SLC12A9: variants seen among roughly 807,000 people sequenced by gnomAD.
SLC12A9 encodes solute carrier family 12 member 9, also known as CCC-interacting protein 1.
A neutral mutation model predicts 66.0 loss-of-function variants in SLC12A9; 55 were observed. That is an observed-to-expected ratio of 0.83 (90% CI 0.67 to 1.04). The LOEUF (loss-of-function observed/expected upper bound fraction) is 1.04, where lower values mean the gene tolerates loss of function less well. Among genes scored for constraint, SLC12A9 ranks in the 50% least tolerant of loss-of-function variants. The pLI is 0.00. For synonymous variants in SLC12A9, 577 were observed against 569.0 expected, an observed-to-expected ratio of 1.01 and a Z score of -0.20; for missense variants, 1,061 against 1,241.9, an observed-to-expected ratio of 0.85 and a Z score of 2.19.
intron 3 of SLC12A9, among the ~76,000 whole-genome samples, chr7:100,855,057 G>A (rs910130829): frequency 1.3e-5 from 2 of 152,086 alleles, no homozygotes; most frequent in African/African-American, 2.4e-5. Flanking sequence ...CCAGCTACTC[G>A]GGAGGCTGAG....
intron 1 of SLC12A9, among the ~76,000 whole-genome samples, chr7:100,836,410 C>T (rs1282199969): frequency 6.6e-6 from 1 of 152,062 alleles, no homozygotes; most frequent in Non-Finnish European, 1.5e-5. Flanking sequence ...CGCAGGGCCT[C>T]AGCCCTCTCC....
At chr7:100,838,291 T>A (rs1813709913) in intron 1 of SLC12A9, among the ~76,000 whole-genome samples, 1 of 152,184 alleles carries the variant, frequency 6.6e-6, no homozygotes, top group Admixed American at 6.5e-5. Flanking sequence ...CCCAGCCATG[T>A]GGTTCAATTT....
At chr7:100,839,379 G>A (rs1442450620) in intron 1 of SLC12A9, among the ~76,000 whole-genome samples, 1 of 151,982 alleles carries the variant, frequency 6.6e-6, no homozygotes, top group Non-Finnish European at 1.5e-5. Context: ...TGAGACAGGA[G>A]TCTTGCTGAT....
intron 4 of SLC12A9, chr7:100,856,167 C>T (rs566273237): frequency 1.6e-5 from 3 of 192,428 alleles, no homozygotes; most frequent in African/African-American, 7.1e-5. Flanking sequence ...CAGAGGAGGG[C>T]TTGTCTTGCT....
At chr7:100,828,549 C>T (rs1450105344) in intron 1 of SLC12A9, among the ~76,000 whole-genome samples, 1 of 60,384 alleles carries the variant, frequency 1.7e-5, no homozygotes, top group East Asian at 3.9e-4. Flanking sequence ...GAGACGAAAT[C>T]TCAAAAAAAA....
At chr7:100,833,363 G>T (rs1487939586) in intron 1 of SLC12A9, among the ~76,000 whole-genome samples, 2 of 152,048 alleles carry the variant, frequency 1.3e-5, no homozygotes, top group Non-Finnish European at 2.9e-5. Flanking sequence ...CAGCTACTCA[G>T]GAGGCTGAGG....
At chr7:100,847,024 C>T (rs560308081) in intron 1 of SLC12A9, among the ~76,000 whole-genome samples, 6 of 152,236 alleles carry the variant, frequency 3.9e-5, no homozygotes, top group South Asian at 2.1e-4. Flanking sequence ...CCCTCTCTTG[C>T]GCGCCCCCTG....
chr7:100,835,200 A>G (rs995798149), intron 1 of SLC12A9, among the ~76,000 whole-genome samples: 1 of 152,004 alleles, frequency 6.6e-6, no homozygotes, highest in Non-Finnish European at 1.5e-5. Flanking sequence ...TACTAAAAAC[A>G]CAAAAATTAG....
intron 1 of SLC12A9, among the ~76,000 whole-genome samples, chr7:100,839,583 C>G (rs1012986688): frequency 6.6e-6 from 1 of 152,216 alleles, no homozygotes; most frequent in Non-Finnish European, 1.5e-5. Context: ...CCGGGCGACG[C>G]GGATCCTGAG....
intron 7 of SLC12A9, chr7:100,859,660 A>G (rs772498927): frequency 3.4e-4 from 187 of 550,544 alleles, no homozygotes; most frequent in Non-Finnish European, 7.6e-5. Flanking sequence ...GCAGTGAGCT[A>G]TGATTACAGC....
intron 1 of SLC12A9, among the ~76,000 whole-genome samples, chr7:100,838,791 T>C (rs1813720367): frequency 2.0e-5 from 3 of 152,164 alleles, no homozygotes; most frequent in African/African-American, 7.2e-5. Flanking sequence ...AAATAAAATC[T>C]ACAAGCAGAC....
In SLC12A9 at chr7:100,859,957, C is replaced by G; in HGVS notation, c.1050C>G (p.Ile350Met). ...GGCCCCCACTGGTGTTGATCGGAAT[C>G]TATGCCACAGCGCTCTCAGCGTCCA... ...SLWPPLVLIGIYATALSASMS... is the reference protein window; with the variant it reads ...SLWPPLVLIGMYATALSASMS... Residue 350 changes from isoleucine to methionine, a missense_variant, in exon 8 of 14, where the codon ATC (isoleucine) becomes ATG (methionine). Ile to Met is a conservative substitution (Grantham distance 10). Coordinates refer to ENST00000354161, the MANE Select transcript of SLC12A9 (RefSeq NM_020246.4). The G allele has an allele frequency of 5.6e-6, 9 of 1,613,010 alleles. No individual in the cohort carries two copies. Among genetic ancestry groups the G allele is most frequent in the Non-Finnish European group, 6.8e-6 (8 of 1,179,044 alleles).
At chr7:100,836,810 G>T (rs1417947114) in intron 1 of SLC12A9, among the ~76,000 whole-genome samples, 2 of 151,730 alleles carry the variant, frequency 1.3e-5, no homozygotes, top group Middle Eastern at 3.4e-3. Flanking sequence ...CCTGGGGGAG[G>T]GGGGCGCAGA....
rs758644188 is a variant in SLC12A9 at position 100,861,383 on chromosome 7, T to G, written c.1344-9T>G. ...GAGTTTCTGTCCCTCCTCCCCTCCA[T>G]GCCCGCAGCCCCACCTTCAGCCTGT... On this transcript the variant is annotated splice_polypyrimidine_tract_variant and intron_variant, in intron 10 of 13. Transcript: ENST00000354161. The surrounding 1 kb of genome is among the most constrained non-coding windows in gnomAD (Gnocchi z 5.3). The G allele has an allele frequency of 6.2e-7, 1 of 1,613,032 alleles. No individual in the cohort carries two copies. Among genetic ancestry groups the G allele is most frequent in the Non-Finnish European group, 8.5e-7 (1 of 1,179,414 alleles).
intron 5 of SLC12A9, chr7:100,857,453 C>T (rs1814464566): frequency 2.0e-6 from 1 of 492,342 alleles, no homozygotes; most frequent in Non-Finnish European, 3.7e-6. Flanking sequence ...ACAGAATGGC[C>T]CAGCATGACT....
At chr7:100,829,550 C>A (rs887299085) in intron 1 of SLC12A9, among the ~76,000 whole-genome samples, 1 of 152,102 alleles carries the variant, frequency 6.6e-6, no homozygotes, top group African/African-American at 2.4e-5. Flanking sequence ...CAGGAAACAG[C>A]CGGCTTCACT....
upstream of SLC12A9, among the ~76,000 whole-genome samples, chr7:100,850,707 TTTC>T (rs1335027566): frequency 2.9e-4 from 43 of 150,844 alleles, 1 homozygote; most frequent in African/African-American, 5.8e-4. Flanking sequence ...TTAATTTTCT[TTTC>T]TTCTTCTTCT....
Position 100,861,701 on chromosome 7 carries a change from C to T in SLC12A9, c.1537-36C>T. 1 of 1,613,576 alleles carries T rather than the reference C, an allele frequency of 6.2e-7. No homozygotes were observed. Among genetic ancestry groups the T allele is most frequent in the Non-Finnish European group, 8.5e-7 (1 of 1,179,530 alleles). The stretch of plus-strand genomic sequence containing the variant: ...CGCTGAACGGGGCTGTGCATTTGAT[C>T]CTGCCACTTCCCCACTGCCTCACCC... On this transcript the variant is annotated intron_variant, in intron 11 of 13. Coordinates refer to ENST00000354161, the MANE Select transcript of SLC12A9 (RefSeq NM_020246.4). The surrounding 1 kb of genome is among the most constrained non-coding windows in gnomAD (Gnocchi z 5.3).
chr7:100,848,877 C>G (rs927591762), upstream of SLC12A9, among the ~76,000 whole-genome samples: 1 of 148,978 alleles, frequency 6.7e-6, no homozygotes, highest in Non-Finnish European at 1.5e-5. Flanking sequence ...CAGAGCTAGA[C>G]TCCATCTCAA....
Sources: gnomAD v4.1 joint callset for allele counts (sites outside exome capture counted in the v4.1 genomes callset) on GRCh38, gnomAD v4.1.1 for gene constraint, Gnocchi (gnomAD v3.1) non-coding constraint, MANE v1.5 for transcripts, NCBI Gene and HGNC (gene_info 2026-07-23, HGNC 2026-07-21) for gene names.